The following MVP variants were observed in gnomAD, a reference collection of about 807,000 sequenced individuals.
MVP encodes the protein lung resistance-related protein.
Under a neutral mutation model 83.5 loss-of-function variants are expected in MVP, and 62 were observed. The observed-to-expected ratio is 0.74, with a 90% confidence interval of 0.61 to 0.92. The LOEUF is 0.92. MVP is among the 40% of genes least tolerant of loss of function. MVP has a pLI of 0.00. For synonymous variants in MVP, 505 were observed against 504.1 expected, an observed-to-expected ratio of 1.00 and a Z score of -0.02; for missense variants, 1,000 against 1,203.4, an observed-to-expected ratio of 0.83 and a Z score of 2.50.
Position 29,844,657 on chromosome 16 carries a change from G to C in MVP, c.1799G>C (p.Arg600Pro). 1 of 1,614,132 alleles carries C rather than the reference G, an allele frequency of 6.2e-7. No individual in the cohort carries two copies. Among genetic ancestry groups the C allele is most frequent in the African/African-American group, 1.3e-5 (1 of 75,064 alleles). The change falls in exon 11 of 15, where the codon CGC (arginine) becomes CCC (proline). Residue 600 changes from arginine (R) to proline (P), a missense_variant. Arg to Pro is a moderately radical substitution (Grantham distance 103, BLOSUM62 -2). Transcript: ENST00000357402. ...DFHKNSARIIRTAVFGFETSE... is the reference protein window; with the variant it reads ...DFHKNSARIIPTAVFGFETSE... ...CATAAGAACTCAGCCCGCATCATTC[G>C]CACTGCTGTCTTTGGCTTTGAGACC...
chr16:29,830,462 G>C, intron 1 of MVP, 53 bp from the exon 2 acceptor site: 1 of 1,500,002 alleles, frequency 6.7e-7, no homozygotes, highest in Non-Finnish European at 9.1e-7. Context: ...ATTCATGCCT[G>C]CCCCACCCCA....
intron 1 of MVP, among the ~76,000 whole-genome samples, chr16:29,825,409 A>G (rs1356770650): frequency 6.6e-6 from 1 of 152,188 alleles, no homozygotes; most frequent in Non-Finnish European, 1.5e-5. Flanking sequence ...CTAACTGCGC[A>G]TGTCATCTGG....
At position 29,846,288 on chromosome 16, in the gene MVP, A is replaced by T; in HGVS notation, c.2265+4A>T. ...ACAGGCCTTGGCCATTGAAACGGTG[A>T]GTGGGGGGAGGCATTAAGAAGAGGG... is the stretch of plus-strand genomic sequence containing the variant. On this transcript the variant is annotated splice_donor_region_variant and intron_variant, in intron 13 of 14. Transcript: ENST00000357402. The T allele has an allele frequency of 1.9e-6, 3 of 1,555,756 alleles. No individual in the cohort carries two copies. Among genetic ancestry groups the T allele is most frequent in the Non-Finnish European group, 2.6e-6 (3 of 1,149,090 alleles).
chr16:29,835,706 G>T lies in MVP; in HGVS notation c.580G>T (p.Glu194Ter). 6.2e-7 allele frequency: 1 copy of T among 1,613,756 alleles called. No homozygotes were observed. Among genetic ancestry groups the T allele is most frequent in the Non-Finnish European group, 8.5e-7 (1 of 1,179,888 alleles). The change falls in exon 6 of 15, where the codon GAA becomes TAA. Residue 194 changes from glutamate (E) to a stop codon, truncating the protein, a stop_gained and splice_region_variant. Transcript: ENST00000357402. LOFTEE classifies it high-confidence loss of function. ...CTTACCCTCCACTCTTGGCCCAGGGGAAGAATGGCTGGTCACCACAGTAGG... is the reference window on the plus strand; with the variant it reads ...CTTACCCTCCACTCTTGGCCCAGGGTAAGAATGGCTGGTCACCACAGTAGG... ...DRDGKERVTG[E>*]EWLVTTVGAY...
chr16:29,844,721 GC>G lies in MVP; in HGVS notation c.1867del (p.Arg623GlyfsTer90). 6.2e-7 allele frequency: 1 copy of G among 1,613,628 alleles called. No individual in the cohort carries two copies. The highest frequency in any genetic ancestry group is 2.2e-5 in the East Asian group (1 of 44,886). ...GCCCCGATGGCATGGCCCTGCCCAG[GC>G]CCCGGGACCAGGCTGTCTTCCCCCA... The part of the protein sequence containing the change: ...KGPDGMALPR[P>X]RDQAVFPQNG... On this transcript the variant is annotated frameshift_variant, in exon 11 of 15. Coordinates refer to ENST00000357402, the MANE Select transcript of MVP (RefSeq NM_005115.5). LOFTEE classifies it high-confidence loss of function.
intron 14 of MVP, 68 bp from the exon 15 acceptor site, chr16:29,847,694 A>T: frequency 1.4e-6 from 2 of 1,478,798 alleles, no homozygotes. Context: ...AGCTGACTTA[A>T]GGAGGGTCAC....
At chr16:29,846,019 G>T in intron 12 of MVP, 40 bp downstream of exon 12, 1 of 1,612,970 alleles carries the variant, frequency 6.2e-7, no homozygotes. Context: ...CAGGGGCCGA[G>T]GGTCTTAGGA....
In MVP at chr16:29,837,100, G is replaced by A. The variant is rs1027773231; in HGVS notation, c.909+142G>A. 3 of 742,960 alleles carry A rather than the reference G, an allele frequency of 4.0e-6. No homozygotes were observed. The East Asian group carries it at 8.6e-5, about 21-fold the overall frequency. 46.0% of individuals were successfully genotyped at this position (742,960 alleles called of 1,614,324 possible). ...TTGCATGCTTAGTTCTTACACACCT[G>A]AGACACTGGCCCATTTGATTCCTGG... On this transcript the variant is annotated intron_variant, in intron 7 of 14. Transcript: ENST00000357402.
At chr16:29,834,682 CT>C (rs781580496) in intron 5 of MVP, 2,607 of 141,174 alleles carry the variant, frequency 0.018, 72 homozygotes, top group African/African-American at 0.058. Context: ...ACCATTCCCA[CT>C]TTTTTTTTTT....
At chr16:29,822,283 C>G (rs986708630) in intron 1 of MVP, among the ~76,000 whole-genome samples, 2 of 150,428 alleles carry the variant, frequency 1.3e-5, no homozygotes, top group East Asian at 1.9e-4. Flanking sequence ...GCTGGCTGAG[C>G]TGTTCTGTCT....
At chr16:29,821,905 C>T (rs2067364466) in intron 1 of MVP, among the ~76,000 whole-genome samples, 1 of 152,122 alleles carries the variant, frequency 6.6e-6, no homozygotes, top group African/African-American at 2.4e-5. Flanking sequence ...GTGAGGCCTG[C>T]AAAAAGCAGC....
At chr16:29,835,168 G>T (rs1212086314) in intron 5 of MVP, 1 of 152,582 alleles carries the variant, frequency 6.6e-6, no homozygotes, top group Non-Finnish European at 1.5e-5. Context: ...TCTGCTGCCT[G>T]TTTTAGCAGA....
At chr16:29,844,002 C>T (rs937227309) in intron 10 of MVP, among the ~76,000 whole-genome samples, 4 of 152,202 alleles carry the variant, frequency 2.6e-5, no homozygotes, top group East Asian at 1.9e-4. Flanking sequence ...CCAGGGCTGC[C>T]GACATATTCC....
In MVP at chr16:29,841,531, C is replaced by T. The variant is rs982548267; in HGVS notation, c.1192-65C>T. 1 of 1,515,860 alleles carries T rather than the reference C, an allele frequency of 6.6e-7. No homozygotes were observed. The highest frequency in any genetic ancestry group is 1.4e-5 in the African/African-American group (1 of 71,866). The allele number at this position is 1,515,860 out of a possible 1,614,324, so 93.9% of individuals were successfully genotyped here. On this transcript the variant is annotated intron_variant, in intron 8 of 14. Coordinates refer to ENST00000357402, the MANE Select transcript of MVP (RefSeq NM_005115.5). The surrounding 1 kb of genome is among the most constrained non-coding windows in gnomAD (Gnocchi z 4.7). ...TCCCTGGATGGGCTCTGCTTTGGGA[C>T]AGCTGGGCGGATCTTCCTCCCTTCC... is the stretch of plus-strand genomic sequence containing the variant.
intron 1 of MVP, chr16:29,821,133 C>G (rs976165639): frequency 6.6e-6 from 1 of 152,218 alleles, no homozygotes; most frequent in African/African-American, 2.4e-5. Context: ...CAGCTGGACC[C>G]ACCAGCCTGA....
Position 29,830,656 on chromosome 16 carries a change from T to G in MVP, c.107T>G (p.Ile36Ser), listed in dbSNP as rs771750662. Residue 36 changes from isoleucine to serine, a missense_variant, in exon 2 of 15, where the codon ATC (isoleucine) becomes AGC (serine). By Grantham distance (142) the Ile-to-Ser change is moderately radical (BLOSUM62 -2). Coordinates refer to ENST00000357402, the MANE Select transcript of MVP (RefSeq NM_005115.5). ...SRVEVGPKTY[I>S]RQDNERVLFA... is the part of the protein sequence containing the mutation. ...GTGGAGGTCGGGCCAAAGACCTACA[T>G]CCGGCAGGACAATGAGAGGTGGGTG... is the stretch of plus-strand genomic sequence containing the variant. The G allele has an allele frequency of 1.9e-6, 3 of 1,613,728 alleles. No homozygotes were observed. The highest frequency in any genetic ancestry group is 2.5e-6 in the Non-Finnish European group (3 of 1,179,934).
chr16:29,826,332 G>T (rs1439932977), intron 1 of MVP, among the ~76,000 whole-genome samples: 1 of 152,184 alleles, frequency 6.6e-6, no homozygotes, highest in Admixed American at 6.5e-5. Flanking sequence ...AAGGGTGAGA[G>T]CCAAGATCCA....
rs374644474 is a variant in MVP, at chr16:29,840,165, G to A, written c.910-13G>A. ...CTAAAGGCACTGACCCTAACCTCACGTCTCCCCACTAGGGAGAGAAGTCTT... is the reference window on the plus strand; with the variant it reads ...CTAAAGGCACTGACCCTAACCTCACATCTCCCCACTAGGGAGAGAAGTCTT... On this transcript the variant is annotated splice_polypyrimidine_tract_variant and intron_variant, in intron 7 of 14. Transcript: ENST00000357402. 45 of 1,594,254 alleles carry A rather than the reference G, an allele frequency of 2.8e-5. No homozygotes were observed. Among genetic ancestry groups the A allele is most frequent in the East Asian group, 4.5e-5 (2 of 44,680 alleles).
intron 6 of MVP, 47 bp from the exon 7 acceptor site, chr16:29,836,675 T>G: frequency 6.8e-7 from 1 of 1,477,068 alleles, no homozygotes. Flanking sequence ...GCAGATCCCC[T>G]GAAGTTGGAG....
Sources: gnomAD v4.1 joint callset for allele counts (sites outside exome capture counted in the v4.1 genomes callset) on GRCh38, gnomAD v4.1.1 for gene constraint, Gnocchi (gnomAD v3.1) non-coding constraint, MANE v1.5 for transcripts, NCBI Gene and HGNC (gene_info 2026-07-23, HGNC 2026-07-21) for gene names.